ACTR3C: variants seen among roughly 807,000 people sequenced by gnomAD.
ACTR3C encodes actin-related protein 3C.
Under a neutral mutation model 26.3 loss-of-function variants are expected in ACTR3C, and 18 were observed. That is an observed-to-expected ratio of 0.68 (90% CI 0.47 to 1.01). The LOEUF is 1.01. ACTR3C is among the 50% of genes least tolerant of loss of function. The pLI is 0.00. For synonymous variants in ACTR3C, 55 were observed against 94.5 expected (o/e 0.58, Z 2.42); for missense variants, 184 against 250.7 (o/e 0.73, Z 1.80).
At chr7:150,220,079 T>A in the ACTR3C span, among the ~76,000 whole-genome samples, 1 of 147,338 alleles carries the variant, frequency 6.8e-6, no homozygotes, top group Non-Finnish European at 1.5e-5. Flanking sequence ...ACCCCTGCGA[T>A]CCGCCAACCA....
chr7:150,118,427 T>C, the ACTR3C span, among the ~76,000 whole-genome samples: 1 of 150,918 alleles, frequency 6.6e-6, no homozygotes, highest in African/African-American at 2.4e-5. Context: ...CACGAGAACT[T>C]TGTGAAGCAT....
chr7:149,932,055 A>G, the ACTR3C span, among the ~76,000 whole-genome samples: 1 of 152,254 alleles, frequency 6.6e-6, no homozygotes, highest in African/African-American at 2.4e-5. Flanking sequence ...AGCCTCATTC[A>G]TACCAGCTGA....
chr7:149,888,007 C>T, the ACTR3C span, among the ~76,000 whole-genome samples: 1 of 151,816 alleles, frequency 6.6e-6, no homozygotes, highest in Non-Finnish European at 1.5e-5. Flanking sequence ...TTTTTTTTTC[C>T]CCCCAGTTTC....
chr7:149,898,179 G>T, the ACTR3C span, among the ~76,000 whole-genome samples: 3 of 151,292 alleles, frequency 2.0e-5, no homozygotes, highest in Non-Finnish European at 4.4e-5. Flanking sequence ...GGCTAGAAAA[G>T]TCTTGTGGGC....
chr7:150,115,104 TTCTC>T, the ACTR3C span, among the ~76,000 whole-genome samples: 1 of 152,208 alleles, frequency 6.6e-6, no homozygotes, highest in Non-Finnish European at 1.5e-5. Context: ...ATTTTCCTTT[TTCTC>T]TCTGTTATTC....
At chr7:150,160,000 G>A in the ACTR3C span, among the ~76,000 whole-genome samples, 1 of 152,144 alleles carries the variant, frequency 6.6e-6, no homozygotes, top group East Asian at 1.9e-4. Flanking sequence ...TCACCATGTT[G>A]GCCAGGCTAG....
At chr7:150,222,195 A>T in the ACTR3C span, among the ~76,000 whole-genome samples, 1 of 152,192 alleles carries the variant, frequency 6.6e-6, no homozygotes, top group African/African-American at 2.4e-5. Context: ...AGACATTCAA[A>T]AGCAACTCCT....
At chr7:149,955,537 G>A in the ACTR3C span, among the ~76,000 whole-genome samples, 3 of 152,086 alleles carry the variant, frequency 2.0e-5, no homozygotes, top group Non-Finnish European at 2.9e-5. Flanking sequence ...GATGGGAGTC[G>A]CAGTGAGGAA....
intron 3 of ACTR3C, among the ~76,000 whole-genome samples, chr7:150,292,394 A>T (rs1048031160): frequency 6.6e-6 from 1 of 152,200 alleles, no homozygotes; most frequent in Non-Finnish European, 1.5e-5. Context: ...AAAAATTCAG[A>T]GATCTCTTGA....
At chr7:150,299,843 A>G (rs148216996) in intron 1 of ACTR3C, among the ~76,000 whole-genome samples, 1,666 of 152,274 alleles carry the variant, frequency 0.011, 18 homozygotes, top group Non-Finnish European at 0.018. Flanking sequence ...TTCAATGAGT[A>G]CGGAGTTTCA....
At chr7:149,979,722 C>T in the ACTR3C span, among the ~76,000 whole-genome samples, 1 of 150,870 alleles carries the variant, frequency 6.6e-6, no homozygotes, top group African/African-American at 2.5e-5. Flanking sequence ...AAATGAAATG[C>T]TTGGGAAATA....
chr7:150,054,156 A>C, the ACTR3C span, among the ~76,000 whole-genome samples: 1 of 152,224 alleles, frequency 6.6e-6, no homozygotes, highest in Non-Finnish European at 1.5e-5. Context: ...AATATAGCGG[A>C]GCATGTGATT....
chr7:149,915,649 C>T, the ACTR3C span, among the ~76,000 whole-genome samples: 1 of 151,214 alleles, frequency 6.6e-6, no homozygotes, highest in African/African-American at 2.5e-5. Context: ...GGTGCCAATA[C>T]TGAAGGTGGT....
At chr7:150,285,798 C>G (rs1332240656) in intron 5 of ACTR3C, among the ~76,000 whole-genome samples, 1 of 152,152 alleles carries the variant, frequency 6.6e-6, no homozygotes, top group Non-Finnish European at 1.5e-5. Flanking sequence ...CTAATTACTG[C>G]TTTCTGCAAA....
At chr7:150,047,847 G>A in the ACTR3C span, 1 of 1,507,824 alleles carries the variant, frequency 6.6e-7, no homozygotes, top group Non-Finnish European at 8.9e-7. Flanking sequence ...CTGGTACAGC[G>A]AAGCCATCGG....
At chr7:150,154,086 G>A in the ACTR3C span, among the ~76,000 whole-genome samples, 1 of 114,648 alleles carries the variant, frequency 8.7e-6, no homozygotes, top group Non-Finnish European at 1.7e-5. Context: ...GGTGGGGGGA[G>A]GGGGGAGGGA....
At chr7:150,002,663 G>A in the ACTR3C span, 3 of 152,142 alleles carry the variant, frequency 2.0e-5, no homozygotes, top group Non-Finnish European at 4.4e-5. Flanking sequence ...AGTTCTCCCG[G>A]GGATACCGTC....
At chr7:150,284,469 C>A (rs1402263293) in intron 6 of ACTR3C, among the ~76,000 whole-genome samples, 2 of 152,132 alleles carry the variant, frequency 1.3e-5, no homozygotes, top group East Asian at 1.9e-4. Context: ...TTGCTTGAAC[C>A]CAGGAGGCGG....
chr7:150,192,038 CAA>C, the ACTR3C span, among the ~76,000 whole-genome samples: 1 of 150,848 alleles, frequency 6.6e-6, no homozygotes, highest in Non-Finnish European at 1.5e-5. Flanking sequence ...GATTGATTTC[CAA>C]ATACTGAACA....
Sources: gnomAD v4.1 joint callset for allele counts (sites outside exome capture counted in the v4.1 genomes callset) on GRCh38, gnomAD v4.1.1 for gene constraint, MANE v1.5 for transcripts, NCBI Gene and HGNC (gene_info 2026-07-23, HGNC 2026-07-21) for gene names.